Variants in OSTM1 observed in about 807,000 individuals in gnomAD.
OSTM1 encodes osteoclastogenesis associated transmembrane protein 1.
OSTM1 carries 26 observed loss-of-function variants against 35.4 expected under a neutral mutation model. The observed-to-expected ratio is 0.73, with a 90% CI of 0.54 to 1.02. OSTM1 has a LOEUF of 1.02. Among genes scored for constraint, OSTM1 ranks in the 50% least tolerant of loss-of-function variants. The pLI, the probability that OSTM1 is intolerant of heterozygous loss-of-function variation, is 0.00. For missense variants in OSTM1, 366 were observed against 409.6 expected (o/e 0.89, Z 0.92); for synonymous variants, 181 against 165.0 (o/e 1.10, Z -0.75).
rs1051876548 is a variant in OSTM1, at chr6:108,042,328, T to G, written c.*2457A>C. 1.6e-4 allele frequency: 24 copies of G among 150,304 alleles called. No individual in the cohort carries two copies. The highest frequency in any genetic ancestry group is 3.3e-4 in the Non-Finnish European group (22 of 67,630). The allele number at this position is 150,304 out of a possible 1,614,324, so 9.3% of individuals were successfully genotyped here. On this transcript the variant is annotated 3_prime_UTR_variant, in exon 6 of 6. Transcript: ENST00000193322. ...AAAAGAAAAAATATATCTGATGTTATTTCTATCTCTCAAGTTCAACAATAA... is the reference window on the plus strand; with the variant it reads ...AAAAGAAAAAATATATCTGATGTTAGTTCTATCTCTCAAGTTCAACAATAA...
At chr6:108,067,675 A>G (rs1183775450) in intron 1 of OSTM1, among the ~76,000 whole-genome samples, 1 of 151,924 alleles carries the variant, frequency 6.6e-6, no homozygotes, top group Non-Finnish European at 1.5e-5. Flanking sequence ...TACTAAAAGT[A>G]TAAAATTAGC....
At chr6:108,069,419 G>T (rs1772443169) in intron 1 of OSTM1, among the ~76,000 whole-genome samples, 1 of 152,068 alleles carries the variant, frequency 6.6e-6, no homozygotes, top group African/African-American at 2.4e-5. Flanking sequence ...AAAGTATATT[G>T]AATACTCACC....
chr6:108,073,969 G>A (rs1772534485), intron 1 of OSTM1, among the ~76,000 whole-genome samples: 1 of 152,086 alleles, frequency 6.6e-6, no homozygotes, highest in South Asian at 2.1e-4. Context: ...GTGGTGGAGT[G>A]GGTGGAGGAA....
intron 2 of OSTM1, among the ~76,000 whole-genome samples, chr6:108,062,535 CTTTT>C (rs780041339): frequency 1.5e-5 from 2 of 131,074 alleles, no homozygotes; most frequent in African/African-American, 5.7e-5. Flanking sequence ...CTTTTCTTTT[CTTTT>C]TTTTTTTTTT....
chr6:108,060,569 T>C (rs1290062314), intron 2 of OSTM1, among the ~76,000 whole-genome samples: 1 of 151,702 alleles, frequency 6.6e-6, no homozygotes, highest in Non-Finnish European at 1.5e-5. Context: ...AACACAAAAA[T>C]TGGCCAGGCA....
At position 108,049,726 on chromosome 6, in the gene OSTM1, A is replaced by C. The variant is rs535660308; in HGVS notation, c.784-308T>G. 69 of 293,298 alleles carry C rather than the reference A, an allele frequency of 2.4e-4. No homozygotes were observed. In the South Asian group the frequency reaches 3.2e-3, roughly 14 times the overall value. 18.2% of individuals were successfully genotyped at this position (293,298 alleles called of 1,614,324 possible). ...AACTTATATGAAGAGGAATATAGTT[A>C]GGCCCTGTTTTATTCATTTACAAAA... is the stretch of plus-strand genomic sequence containing the variant. On this transcript the variant is annotated intron_variant, in intron 4 of 5. Coordinates refer to ENST00000193322, the MANE Select transcript of OSTM1 (RefSeq NM_014028.4).
chr6:108,048,551 A>G (rs1582386812), intron 5 of OSTM1, among the ~76,000 whole-genome samples: 2 of 152,106 alleles, frequency 1.3e-5, no homozygotes, highest in Non-Finnish European at 2.9e-5. Context: ...CTGTTATGTC[A>G]GCTATAGTTT....
intron 4 of OSTM1, 21 bp from the exon 5 acceptor site, chr6:108,049,439 ATCTT>A (rs1772039452): frequency 6.2e-7 from 1 of 1,610,672 alleles, no homozygotes; most frequent in Admixed American, 1.7e-5. Context: ...AGCAAACAAT[ATCTT>A]TCTATTTTAT....
chr6:108,057,097 G>A (rs1039464400), intron 2 of OSTM1, among the ~76,000 whole-genome samples: 5 of 152,106 alleles, frequency 3.3e-5, no homozygotes, highest in Middle Eastern at 3.2e-3. Flanking sequence ...GCATGGTGGC[G>A]TGCATCTGTG....
intron 2 of OSTM1, chr6:108,061,047 G>A (rs1352453347): frequency 3.9e-5 from 6 of 151,970 alleles, no homozygotes; most frequent in Non-Finnish European, 5.9e-5. Context: ...TTTCTAAAAA[G>A]CTTAAGAATA....
intron 2 of OSTM1, among the ~76,000 whole-genome samples, chr6:108,055,402 G>C (rs1425524819): frequency 6.6e-6 from 1 of 151,868 alleles, no homozygotes; most frequent in Admixed American, 6.6e-5. Context: ...TTGCAGACTT[G>C]AACTCCTGGG....
In OSTM1 at chr6:108,043,863, G is replaced by C. The variant is rs1213506386; in HGVS notation, c.*922C>G. On this transcript the variant is annotated 3_prime_UTR_variant, in exon 6 of 6. Transcript: ENST00000193322. ...CCTCTCAGGTCCCTTTCTGCTCGCT[G>C]AACCTTAAGCTGGTTTTACCCCTCC... is the stretch of plus-strand genomic sequence containing the variant. The C allele has an allele frequency of 2.6e-5, 4 of 152,146 alleles. No homozygotes were observed. The highest frequency in any genetic ancestry group is 9.7e-5 in the African/African-American group (4 of 41,424). The allele number at this position is 152,146 out of a possible 1,614,324, so 9.4% of individuals were successfully genotyped here.
chr6:108,071,724 T>C (rs1316403155), intron 1 of OSTM1, among the ~76,000 whole-genome samples: 1 of 152,078 alleles, frequency 6.6e-6, no homozygotes, highest in Non-Finnish European at 1.5e-5. Flanking sequence ...AGCTAATGAA[T>C]CATATCCAGC....
chr6:108,050,958 A>C, intron 4 of OSTM1, 73 bp downstream of exon 4: 1 of 1,281,808 alleles, frequency 7.8e-7, no homozygotes, highest in Non-Finnish European at 1.1e-6. Context: ...CTATCACCAA[A>C]AATAATAATC....
At chr6:108,049,050 C>G (rs577444011) in intron 5 of OSTM1, among the ~76,000 whole-genome samples, 1 of 152,148 alleles carries the variant, frequency 6.6e-6, no homozygotes, top group African/African-American at 2.4e-5. Context: ...TGCACCTAGC[C>G]CTGTTTTAAC....
intron 2 of OSTM1, chr6:108,061,031 T>C (rs1264438865): frequency 1.3e-5 from 2 of 152,158 alleles, no homozygotes; most frequent in African/African-American, 4.8e-5. Context: ...TCTATGTTAA[T>C]GGATTTTTCT....
chr6:108,042,280 A>G lies in OSTM1; in HGVS notation c.*2505T>C, dbSNP rs1462898904. On this transcript the variant is annotated 3_prime_UTR_variant, in exon 6 of 6. Coordinates refer to ENST00000193322, the MANE Select transcript of OSTM1 (RefSeq NM_014028.4). ...GACACTGTCTCTACAAAAAAAAAAA[A>G]AAAAAAAATTAATTATAAAAAAAAA... is the stretch of plus-strand genomic sequence containing the variant. The G allele has an allele frequency of 6.7e-6, 1 of 150,364 alleles. No homozygotes were observed. Among genetic ancestry groups the G allele is most frequent in the Non-Finnish European group, 1.5e-5 (1 of 67,588 alleles). 9.3% of individuals were successfully genotyped at this position (150,364 alleles called of 1,614,324 possible). A position where few individuals can be genotyped will look rare whatever the true frequency, so the allele number is the denominator to read the frequency against.
In OSTM1 at chr6:108,074,320, A is replaced by G; in HGVS notation, c.332T>C (p.Leu111Pro). ...GAAGAGGGGGTAGCAGGTCTGACAGAGGCGCACGGGCCGGGCGCTGCGCAC... is the reference window on the plus strand; with the variant it reads ...GAAGAGGGGGTAGCAGGTCTGACAGGGGCGCACGGGCCGGGCGCTGCGCAC... ...CLVRSARPVR[L>P]CQTCYPLFQQ... is the part of the protein sequence containing the mutation. The change falls in exon 1 of 6, where the codon CTC becomes CCC. Residue 111 changes from leucine (L) to proline (P), a missense_variant. By Grantham distance (98) the Leu-to-Pro change is moderately conservative. This residue lies in a region of OSTM1 where 236 missense variants were observed against 239.3 expected (regional missense o/e 0.99). Coordinates refer to ENST00000193322, the MANE Select transcript of OSTM1 (RefSeq NM_014028.4). 6.2e-7 allele frequency: 1 copy of G among 1,612,014 alleles called. No individual in the cohort carries two copies. Among genetic ancestry groups the G allele is most frequent in the Non-Finnish European group, 8.5e-7 (1 of 1,179,802 alleles).
rs1314324807 is a variant in OSTM1 at position 108,042,418 on chromosome 6, T to TC, written c.*2366_*2367insG. On this transcript the variant is annotated 3_prime_UTR_variant, in exon 6 of 6. Coordinates refer to ENST00000193322, the MANE Select transcript of OSTM1 (RefSeq NM_014028.4). ...ACAGACAGTACTTTCTTTTTTCTTT[T>TC]TTTTTTTTTTTTTTTGAGACAAGGT... 3.5e-5 allele frequency: 5 copies of TC among 143,948 alleles called. No individual in the cohort carries two copies. The highest frequency in any genetic ancestry group is 4.3e-4 in the South Asian group (2 of 4,646). The allele number at this position is 143,948 out of a possible 1,614,324, so 8.9% of individuals were successfully genotyped here. A position where few individuals can be genotyped will look rare whatever the true frequency, so the allele number is the denominator to read the frequency against.
Sources: gnomAD v4.1 joint callset for allele counts (sites outside exome capture counted in the v4.1 genomes callset) on GRCh38, gnomAD v4.1.1 for gene constraint, gnomAD v4.1.1 regional missense constraint, MANE v1.5 for transcripts, NCBI Gene and HGNC (gene_info 2026-07-23, HGNC 2026-07-21) for gene names.